The following C10orf67 variants were observed in gnomAD, a reference collection of about 807,000 sequenced individuals.
C10orf67 encodes uncharacterized protein C10orf67, mitochondrial.
In C10orf67, 60 loss-of-function variants were observed where a neutral mutation model predicts 35.6. That is an observed-to-expected ratio of 1.68 (90% confidence interval 1.37 to 2.09). The LOEUF is 2.09. C10orf67 is among the 30% of genes most tolerant of loss of function. The probability of loss-of-function intolerance (pLI) is 0.00; values close to 1 mark genes in which losing one functional copy is unlikely to be tolerated. For synonymous variants in C10orf67, 167 were observed against 115.8 expected (o/e 1.44, Z -2.84); for missense variants, 474 against 330.2 (o/e 1.44, Z -3.38).
intron 13 of C10orf67, 86 bp from the exon 14 acceptor site, chr10:23,223,904 T>G: frequency 1.5e-6 from 1 of 684,960 alleles, no homozygotes; most frequent in Admixed American, 2.3e-5. Context: ...CAGCCTTTAG[T>G]TGACCAAGAT....
chr10:23,262,123 C>G (rs941889720), intron 10 of C10orf67, among the ~76,000 whole-genome samples: 10 of 152,098 alleles, frequency 6.6e-5, no homozygotes, highest in Non-Finnish European at 1.3e-4. Flanking sequence ...CTCTGGTGAG[C>G]AGCGATGTAA....
chr10:23,263,372 T>A (rs977827187), intron 10 of C10orf67, among the ~76,000 whole-genome samples: 1 of 152,216 alleles, frequency 6.6e-6, no homozygotes, highest in Non-Finnish European at 1.5e-5. Context: ...CCTATAGTAA[T>A]AATTCTATAT....
At chr10:23,342,274 TCCCC>T (rs1258516462) in intron 1 of C10orf67, among the ~76,000 whole-genome samples, 3 of 151,618 alleles carry the variant, frequency 2.0e-5, no homozygotes, top group African/African-American at 7.3e-5. Context: ...CTCTTCTCCC[TCCCC>T]ATGTTCGGTT....
intron 10 of C10orf67, among the ~76,000 whole-genome samples, chr10:23,261,649 T>C (rs552026706): frequency 1.3e-5 from 2 of 152,320 alleles, no homozygotes; most frequent in African/African-American, 4.8e-5. Context: ...AATAAAAGTG[T>C]ACCTTTATTC....
At chr10:23,252,204 T>A (rs966796560) in intron 10 of C10orf67, among the ~76,000 whole-genome samples, 1 of 152,212 alleles carries the variant, frequency 6.6e-6, no homozygotes, top group African/African-American at 2.4e-5. Context: ...TCACTTTATC[T>A]TCCAGATTAT....
At chr10:23,281,775 T>C (rs879438166) in intron 8 of C10orf67, among the ~76,000 whole-genome samples, 8 of 152,204 alleles carry the variant, frequency 5.3e-5, no homozygotes, top group African/African-American at 9.7e-5. Context: ...TGGTTTTAAA[T>C]GGTAATACTA....
At chr10:23,301,826 A>C (rs2132282912) in intron 5 of C10orf67, among the ~76,000 whole-genome samples, 1 of 152,374 alleles carries the variant, frequency 6.6e-6, no homozygotes, top group African/African-American at 2.4e-5. Flanking sequence ...GCCATGGAAG[A>C]GAACCGTGGA....
At chr10:23,255,770 T>A (rs946189840) in intron 10 of C10orf67, among the ~76,000 whole-genome samples, 12 of 152,210 alleles carry the variant, frequency 7.9e-5, no homozygotes, top group Non-Finnish European at 1.6e-4. Flanking sequence ...TAAATTGTGC[T>A]ACTTCTGTGG....
At chr10:23,226,216 G>C (rs1374254254) in intron 13 of C10orf67, among the ~76,000 whole-genome samples, 1 of 152,122 alleles carries the variant, frequency 6.6e-6, no homozygotes, top group Non-Finnish European at 1.5e-5. Flanking sequence ...AAATGTAAAA[G>C]AACACAAATT....
intron 8 of C10orf67, among the ~76,000 whole-genome samples, chr10:23,273,847 A>G (rs533995021): frequency 6.6e-6 from 1 of 152,332 alleles, no homozygotes; most frequent in East Asian, 1.9e-4. Context: ...GGAAAACTTG[A>G]ACTTCTGAAG....
At chr10:23,246,930 C>A (rs1382412676) in intron 12 of C10orf67, among the ~76,000 whole-genome samples, 1 of 152,020 alleles carries the variant, frequency 6.6e-6, no homozygotes, top group Non-Finnish European at 1.5e-5. Context: ...CTCAAGCGAT[C>A]CTCCCACCTG....
At chr10:23,251,698 C>T (rs111849764) in intron 10 of C10orf67, among the ~76,000 whole-genome samples, 192 of 152,266 alleles carry the variant, frequency 1.3e-3, no homozygotes, top group African/African-American at 4.5e-3. Flanking sequence ...TAAACAATAA[C>T]TAGGTTCGTA....
chr10:23,250,230 T>A (rs1025045830), intron 12 of C10orf67, among the ~76,000 whole-genome samples: 1 of 152,216 alleles, frequency 6.6e-6, no homozygotes, highest in Non-Finnish European at 1.5e-5. Context: ...GTCCTGCTGA[T>A]CTTTTATAAC....
intron 1 of C10orf67, among the ~76,000 whole-genome samples, chr10:23,338,072 T>G (rs1186032244): frequency 6.6e-6 from 1 of 152,222 alleles, no homozygotes; most frequent in Non-Finnish European, 1.5e-5. Flanking sequence ...CAAGAATGTC[T>G]GGGAAGAGTT....
intron 15 of C10orf67, among the ~76,000 whole-genome samples, chr10:23,205,901 A>G (rs929764164): frequency 6.6e-6 from 1 of 152,240 alleles, no homozygotes; most frequent in Non-Finnish European, 1.5e-5. Context: ...AAATATCCTT[A>G]AAAGACTAAT....
At chr10:23,292,952 G>A (rs904383702) in intron 5 of C10orf67, among the ~76,000 whole-genome samples, 1 of 151,648 alleles carries the variant, frequency 6.6e-6, no homozygotes, top group African/African-American at 2.4e-5. Flanking sequence ...GTCCCACATT[G>A]TTCAATTTGA....
At chr10:23,299,762 G>A (rs1460931938) in intron 5 of C10orf67, among the ~76,000 whole-genome samples, 2 of 152,092 alleles carry the variant, frequency 1.3e-5, no homozygotes, top group African/African-American at 4.8e-5. Flanking sequence ...CGAATCATGA[G>A]GTCAAGAGAT....
intron 8 of C10orf67, among the ~76,000 whole-genome samples, chr10:23,269,625 A>T (rs1444685910): frequency 6.6e-6 from 1 of 152,192 alleles, no homozygotes; most frequent in Non-Finnish European, 1.5e-5. Flanking sequence ...AAGCAAGCTC[A>T]ACTATTTACT....
intron 1 of C10orf67, among the ~76,000 whole-genome samples, chr10:23,343,444 T>A (rs1265374895): frequency 1.3e-5 from 2 of 152,128 alleles, no homozygotes; most frequent in East Asian, 3.8e-4. Flanking sequence ...CCTCCAGAAC[T>A]GGGAGAAACA....
Sources: allele counts gnomAD v4.1 joint callset (sites outside exome capture counted in the v4.1 genomes callset), GRCh38; gene constraint gnomAD v4.1.1; transcripts MANE v1.5; gene names NCBI Gene and HGNC (gene_info 2026-07-23, HGNC 2026-07-21).